CNTNAP5: variants seen among roughly 807,000 people sequenced by gnomAD.
The protein encoded by CNTNAP5 is contactin associated protein family member 5.
In CNTNAP5, 72 loss-of-function variants were observed where a neutral mutation model predicts 150.2. The observed-to-expected ratio is 0.48, with a 90% CI of 0.40 to 0.58. The LOEUF (loss-of-function observed/expected upper bound fraction) is 0.58. CNTNAP5 is among the 20% of genes least tolerant of loss of function. The probability of loss-of-function intolerance (pLI) is 0.00; values close to 1 mark genes in which losing one functional copy is unlikely to be tolerated. For missense variants in CNTNAP5, 1,636 were observed against 1,626.2 expected, an observed-to-expected ratio of 1.01 and a Z score of -0.10; for synonymous variants, 672 against 619.8, an observed-to-expected ratio of 1.08 and a Z score of -1.25.
chr2:124,632,914 G>A (rs913791493), intron 12 of CNTNAP5, among the ~76,000 whole-genome samples: 34 of 152,160 alleles, frequency 2.2e-4, no homozygotes, highest in African/African-American at 7.9e-4. Flanking sequence ...AAGAGAGGCA[G>A]GCAGGGAAGT....
chr2:124,721,500 A>AATAAATACATAC (rs139576470), intron 13 of CNTNAP5, among the ~76,000 whole-genome samples: 2 of 148,076 alleles, frequency 1.4e-5, no homozygotes, highest in Non-Finnish European at 3.0e-5. Flanking sequence ...TAAATAAATA[A>AATAAATACATAC]ATAAATAAAT....
intron 2 of CNTNAP5, among the ~76,000 whole-genome samples, chr2:124,229,378 G>T (rs1475034797): frequency 6.6e-6 from 1 of 152,090 alleles, no homozygotes; most frequent in Non-Finnish European, 1.5e-5. Flanking sequence ...AATAGTTAAA[G>T]CTCAACTATA....
At chr2:124,122,788 ACACACC>A (rs1274812435) in intron 1 of CNTNAP5, among the ~76,000 whole-genome samples, 16 of 149,752 alleles carry the variant, frequency 1.1e-4, no homozygotes, top group African/African-American at 2.7e-4. Flanking sequence ...ACACACACAC[ACACACC>A]CACACCTTTT....
chr2:124,474,549 G>C (rs1397811415), intron 6 of CNTNAP5, among the ~76,000 whole-genome samples, 190 bp from the exon 7 acceptor site: 1 of 152,048 alleles, frequency 6.6e-6, no homozygotes, highest in South Asian at 2.1e-4. Context: ...TAAGAAGCAA[G>C]CAATTACAGT....
At chr2:124,509,083 T>C (rs1460128675) in intron 8 of CNTNAP5, among the ~76,000 whole-genome samples, 2 of 152,196 alleles carry the variant, frequency 1.3e-5, no homozygotes, top group East Asian at 3.9e-4. Context: ...AGTTCTAACA[T>C]CCTGGATCTA....
At chr2:124,904,078 A>AAAC (rs1281367618) in intron 22 of CNTNAP5, among the ~76,000 whole-genome samples, 4 of 149,678 alleles carry the variant, frequency 2.7e-5, no homozygotes, top group Non-Finnish European at 4.5e-5. Context: ...AAAAAAAAAA[A>AAAC]CCAAAATGTA....
chr2:124,558,200 C>A (rs1695805158), intron 10 of CNTNAP5, among the ~76,000 whole-genome samples: 1 of 152,102 alleles, frequency 6.6e-6, no homozygotes, highest in Non-Finnish European at 1.5e-5. Context: ...GCTTGCATCT[C>A]AGACTAGAGG....
intron 17 of CNTNAP5, among the ~76,000 whole-genome samples, chr2:124,785,358 T>G (rs1246433880): frequency 6.6e-6 from 1 of 152,204 alleles, no homozygotes; most frequent in African/African-American, 2.4e-5. Context: ...TGTTAAGAGA[T>G]GTTCTGATTT....
At chr2:124,716,639 C>T (rs1384551216) in intron 13 of CNTNAP5, among the ~76,000 whole-genome samples, 1 of 152,086 alleles carries the variant, frequency 6.6e-6, no homozygotes, top group Non-Finnish European at 1.5e-5. Context: ...TACTTAACAA[C>T]AACCAAACAC....
intron 1 of CNTNAP5, among the ~76,000 whole-genome samples, chr2:124,195,176 G>T (rs1199466552): frequency 6.6e-6 from 1 of 152,206 alleles, no homozygotes; most frequent in Non-Finnish European, 1.5e-5. Flanking sequence ...GCAAGAAGCT[G>T]GGCACCACTG....
At chr2:124,245,803 T>C (rs996032264) in intron 3 of CNTNAP5, among the ~76,000 whole-genome samples, 2 of 152,038 alleles carry the variant, frequency 1.3e-5, no homozygotes, top group African/African-American at 2.4e-5. Context: ...TTATCATAGC[T>C]GACTGTAGTT....
rs996761440 is a variant in CNTNAP5, at chr2:124,920,755, T to C, written c.*6467T>C. 6.6e-6 allele frequency among the ~76,000 whole-genome samples: 1 copy of C among 152,192 alleles called. No homozygotes were observed. The highest frequency in any genetic ancestry group is 1.5e-5 in the Non-Finnish European group (1 of 68,032). ...ATTTAGTTCATAGGTTACGGTTTGC[T>C]GATTCCTAAGATAGAGCATTACAGT... On this transcript the variant is annotated 3_prime_UTR_variant, in exon 24 of 24. Coordinates refer to ENST00000682447, the MANE Select transcript of CNTNAP5 (RefSeq NM_001367498.1).
At chr2:124,597,575 A>AG (rs1696858935) in intron 11 of CNTNAP5, among the ~76,000 whole-genome samples, 1 of 150,792 alleles carries the variant, frequency 6.6e-6, no homozygotes, top group Non-Finnish European at 1.5e-5. Flanking sequence ...TGCCCTTAAC[A>AG]TTTTTTTCCT....
chr2:124,844,319 C>T (rs771155868), intron 19 of CNTNAP5, among the ~76,000 whole-genome samples: 1 of 151,762 alleles, frequency 6.6e-6, no homozygotes, highest in Non-Finnish European at 1.5e-5. Flanking sequence ...ATCAGTTGGC[C>T]GTAAATATTT....
rs757968037 is a variant in CNTNAP5, at chr2:124,895,306, C to T, written c.3437-7576C>T. ...TTTGATCATTCAAAAACATTTATTT[C>T]CCAACTTCTGTGTCCAAGGTACTTT... On this transcript the variant is annotated intron_variant, in intron 21 of 23. Coordinates refer to ENST00000682447, the MANE Select transcript of CNTNAP5 (RefSeq NM_001367498.1). Among the ~76,000 whole-genome samples, 2 of 151,436 alleles carry T rather than the reference C, an allele frequency of 1.3e-5. 1 individual carries two copies. Among genetic ancestry groups the T allele is most frequent in the African/African-American group, 4.9e-5 (2 of 40,844 alleles).
At chr2:124,150,565 C>T (rs1468790372) in intron 1 of CNTNAP5, among the ~76,000 whole-genome samples, 2 of 152,076 alleles carry the variant, frequency 1.3e-5, no homozygotes, top group Non-Finnish European at 2.9e-5. Context: ...GATGAGGGTA[C>T]CAGCAGATTC....
At chr2:124,027,004 C>T (rs551327720) in intron 1 of CNTNAP5, among the ~76,000 whole-genome samples, 6 of 152,272 alleles carry the variant, frequency 3.9e-5, no homozygotes, top group Admixed American at 3.3e-4. Flanking sequence ...TTTGGAGGGC[C>T]AGCATCTATA....
At chr2:124,234,203 C>A (rs1686691601) in intron 2 of CNTNAP5, among the ~76,000 whole-genome samples, 1 of 152,094 alleles carries the variant, frequency 6.6e-6, no homozygotes, top group Admixed American at 6.6e-5. Context: ...TATACATAAT[C>A]CACTAGAATC....
intron 13 of CNTNAP5, among the ~76,000 whole-genome samples, chr2:124,694,892 A>C (rs1201650291): frequency 6.6e-6 from 1 of 152,166 alleles, no homozygotes; most frequent in Non-Finnish European, 1.5e-5. Context: ...AAGTGAAACA[A>C]TGAAGGCATA....
Sources: gnomAD v4.1 joint callset for allele counts (sites outside exome capture counted in the v4.1 genomes callset) on GRCh38, gnomAD v4.1.1 for gene constraint, MANE v1.5 for transcripts, NCBI Gene and HGNC (gene_info 2026-07-23, HGNC 2026-07-21) for gene names.